Variants in HMGN5 observed in about 807,000 individuals in gnomAD.
HMGN5 encodes the protein high mobility group nucleosome binding domain 5, also known as high mobility group nucleosome-binding domain-containing protein 5.
Under a neutral mutation model 9.5 loss-of-function variants are expected in HMGN5, and 4 were observed. That is an observed-to-expected ratio of 0.42 (90% CI 0.21 to 0.96). HMGN5 has a LOEUF of 0.96. Among genes scored for constraint, HMGN5 ranks in the 40% least tolerant of loss-of-function variants. The probability of loss-of-function intolerance (pLI) is 0.30; values close to 1 mark genes in which losing one functional copy is unlikely to be tolerated. For synonymous variants in HMGN5, 55 were observed against 57.1 expected, an observed-to-expected ratio of 0.96 and a Z score of 0.16; for missense variants, 192 against 187.5, an observed-to-expected ratio of 1.02 and a Z score of -0.14.
intron 1 of HMGN5, among the ~76,000 whole-genome samples, chrX:81,150,336 G>A (rs2075357456): frequency 9.0e-6 from 1 of 111,456 alleles, no homozygotes; most frequent in African/African-American, 3.3e-5. Context: ...GGCCGAGGCG[G>A]GTGGATCACC....
At chrX:81,198,816 A>C (rs1172913128) in intron 1 of HMGN5, among the ~76,000 whole-genome samples, 1 of 112,018 alleles carries the variant, frequency 8.9e-6, no homozygotes. Flanking sequence ...GAAAACTGGC[A>C]CAAGACAAGG....
chrX:81,186,064 A>T (rs929799875), intron 1 of HMGN5, among the ~76,000 whole-genome samples: 3 of 111,594 alleles, frequency 2.7e-5, no homozygotes, highest in African/African-American at 9.7e-5. Flanking sequence ...AAAGATATTC[A>T]CCTATAGTTC....
intron 1 of HMGN5, among the ~76,000 whole-genome samples, chrX:81,196,930 C>T (rs1015778148): frequency 3.6e-5 from 4 of 111,431 alleles, no homozygotes; most frequent in African/African-American, 9.8e-5. Context: ...CTTGCTTCCC[C>T]TTTGCCTTCC....
intron 1 of HMGN5, among the ~76,000 whole-genome samples, chrX:81,162,816 G>A (rs1217559101): frequency 2.7e-5 from 3 of 111,367 alleles, no homozygotes; most frequent in Non-Finnish European, 1.9e-5. Flanking sequence ...AGAGGTCTTG[G>A]AGGAGGGAAT....
chrX:81,133,117 T>A (rs1247820350), intron 1 of HMGN5, among the ~76,000 whole-genome samples: 1 of 111,047 alleles, frequency 9.0e-6, no homozygotes, highest in Admixed American at 9.6e-5. Flanking sequence ...CAACATCACC[T>A]ATCATTAGAG....
chrX:81,119,890 G>A, intron 2 of HMGN5, 73 bp from the exon 3 acceptor site: 2 of 913,778 alleles, frequency 2.2e-6, no homozygotes, highest in Middle Eastern at 2.7e-4. Flanking sequence ...TACTGCCTGC[G>A]GATTACAAAT....
At chrX:81,117,482 C>T (rs2075257149) in intron 5 of HMGN5, among the ~76,000 whole-genome samples, 3 of 109,810 alleles carry the variant, frequency 2.7e-5, no homozygotes, top group South Asian at 7.8e-4. Flanking sequence ...TACGTTCAAG[C>T]AATCTGCCCA....
intron 1 of HMGN5, among the ~76,000 whole-genome samples, chrX:81,173,712 CA>C (rs1436375973): frequency 9.0e-6 from 1 of 111,617 alleles, no homozygotes; most frequent in African/African-American, 3.2e-5. Flanking sequence ...GTAATTCCTA[CA>C]AAGCTATGAA....
intron 1 of HMGN5, among the ~76,000 whole-genome samples, chrX:81,155,624 G>T (rs1428520516): frequency 9.0e-6 from 1 of 111,295 alleles, no homozygotes; most frequent in Non-Finnish European, 1.9e-5. Context: ...TGAATTTCCA[G>T]GGAATTAAGT....
intron 1 of HMGN5, among the ~76,000 whole-genome samples, chrX:81,145,317 C>T (rs1419078072): frequency 1.8e-5 from 2 of 111,784 alleles, no homozygotes; most frequent in African/African-American, 6.5e-5. Context: ...CAGCAGAAAC[C>T]CTAAAAGCCA....
chrX:81,135,111 A>C (rs2075307708), intron 1 of HMGN5, among the ~76,000 whole-genome samples: 1 of 111,815 alleles, frequency 8.9e-6, no homozygotes, highest in Non-Finnish European at 1.9e-5. Context: ...AATAAAAGAA[A>C]AACAGATAAA....
intron 1 of HMGN5, among the ~76,000 whole-genome samples, chrX:81,152,470 G>A (rs1164376874): frequency 4.6e-5 from 5 of 109,727 alleles, no homozygotes; most frequent in African/African-American, 1.7e-4. Context: ...AGTTAGAATG[G>A]CAATCATTAA....
At chrX:81,132,504 A>G (rs142631230) in intron 1 of HMGN5, among the ~76,000 whole-genome samples, 3,238 of 111,570 alleles carry the variant, frequency 0.029, 52 homozygotes, top group Non-Finnish European at 0.042. Context: ...ACTGGCATAG[A>G]CCAATGGAAT....
At chrX:81,149,171 G>A (rs1160299885) in intron 1 of HMGN5, among the ~76,000 whole-genome samples, 6 of 111,329 alleles carry the variant, frequency 5.4e-5, no homozygotes, top group African/African-American at 6.5e-5. Context: ...ATAAAGACAC[G>A]TGCACTTGTA....
chrX:81,192,140 C>A (rs1172432777), intron 1 of HMGN5, among the ~76,000 whole-genome samples: 1 of 111,314 alleles, frequency 9.0e-6, no homozygotes, highest in Non-Finnish European at 1.9e-5. Context: ...AATAACCCAA[C>A]TTGGTCATAA....
chrX:81,148,485 A>G (rs2075351701), intron 1 of HMGN5, among the ~76,000 whole-genome samples: 2 of 112,122 alleles, frequency 1.8e-5, no homozygotes, highest in South Asian at 7.4e-4. Flanking sequence ...TTAATTCAAG[A>G]TGGATTAAAG....
chrX:81,123,927 C>T (rs2075275838), intron 1 of HMGN5, among the ~76,000 whole-genome samples: 1 of 111,936 alleles, frequency 8.9e-6, no homozygotes, highest in Non-Finnish European at 1.9e-5. Flanking sequence ...TAGACTGTTA[C>T]ATTACAGCAA....
At position 81,165,341 on chromosome X, in the gene HMGN5, C is replaced by G. The variant is rs181020042; in HGVS notation, c.-124+36396G>C. Among the ~76,000 whole-genome samples the G allele has an allele frequency of 8.1e-4, 90 of 110,650 alleles. 1 individual carries two copies. Among genetic ancestry groups the G allele is most frequent in the Non-Finnish European group, 8.7e-4 (46 of 52,845 alleles). ...TTAAAATTGAACTCATTATATTTCC[C>G]CCATATTTGCCACTGAGATGAGCTG... On this transcript the variant is annotated intron_variant, in intron 1 of 6. Coordinates refer to ENST00000358130, the MANE Select transcript of HMGN5 (RefSeq NM_030763.3).
intron 1 of HMGN5, among the ~76,000 whole-genome samples, chrX:81,158,454 C>T (rs766527104): frequency 8.9e-6 from 1 of 112,326 alleles, no homozygotes; most frequent in South Asian, 3.7e-4. Flanking sequence ...TGTTTGTTGG[C>T]CACATGAATG....
Sources: gnomAD v4.1 joint callset for allele counts (sites outside exome capture counted in the v4.1 genomes callset) on GRCh38, gnomAD v4.1.1 for gene constraint, MANE v1.5 for transcripts, NCBI Gene and HGNC (gene_info 2026-07-23, HGNC 2026-07-21) for gene names.